Variants in KLF15 observed in about 807,000 individuals in gnomAD.
The protein encoded by KLF15 is KLF transcription factor 15.
A neutral mutation model predicts 24.6 loss-of-function variants in KLF15; 4 were observed. The observed-to-expected ratio is 0.16, with a 90% confidence interval of 0.08 to 0.37. The LOEUF is 0.37. KLF15 is among the 10% of genes least tolerant of loss of function. The pLI is 1.00. For synonymous variants in KLF15, 246 were observed against 236.3 expected (o/e 1.04, Z -0.37); for missense variants, 496 against 560.6 (o/e 0.88, Z 1.16).
downstream of KLF15, among the ~76,000 whole-genome samples, chr3:126,339,489 T>C (rs2082463469): frequency 6.6e-6 from 1 of 152,176 alleles, no homozygotes; most frequent in Admixed American, 6.5e-5. Flanking sequence ...CCAGGAGTGT[T>C]TGAATGCTGC....
chr3:126,329,542 T>C, the KLF15 span, among the ~76,000 whole-genome samples: 7 of 152,186 alleles, frequency 4.6e-5, no homozygotes, highest in East Asian at 1.3e-3. Context: ...TTTAAACCTC[T>C]ATAGGATGTT....
chr3:126,353,016 AC>A, intron 1 of KLF15, 69 bp from the exon 2 acceptor site: 1 of 1,482,784 alleles, frequency 6.7e-7, no homozygotes, highest in East Asian at 2.4e-5. Context: ...CAGGCCTCTG[AC>A]CCCACCCTCA....
chr3:126,339,088 G>A (rs1026177600), downstream of KLF15, among the ~76,000 whole-genome samples: 1 of 152,182 alleles, frequency 6.6e-6, no homozygotes, highest in Non-Finnish European at 1.5e-5. Flanking sequence ...GTGGGGGACT[G>A]GTCACTCATC....
chr3:126,310,296 G>T, the KLF15 span, among the ~76,000 whole-genome samples: 1 of 152,216 alleles, frequency 6.6e-6, no homozygotes, highest in East Asian at 1.9e-4. Flanking sequence ...GAGACCTGGG[G>T]CCCAAGCTCC....
chr3:126,298,982 G>GT, the KLF15 span, among the ~76,000 whole-genome samples: 126 of 152,160 alleles, frequency 8.3e-4, 1 homozygote, highest in African/African-American at 3.0e-3. Flanking sequence ...TTTTAGGATT[G>GT]TTTTTTCTAC....
In KLF15 at chr3:126,343,800, C is replaced by T; in HGVS notation, c.1178G>A (p.Ser393Asn). The T allele has an allele frequency of 6.2e-7, 1 of 1,611,980 alleles. No individual in the cohort carries two copies. The highest frequency in any genetic ancestry group is 8.5e-7 in the Non-Finnish European group (1 of 1,179,926). ...CPVCEKKFAR[S>N]DHLSKHIKVH... ...CTTGATGTGCTTGGAGAGGTGGTCG[C>T]TCCGCGCGAACTTCTTCTCGCACAC... Residue 393 changes from serine (S) to asparagine (N), a missense_variant, in exon 3 of 3, where the codon AGC (serine) becomes AAC (asparagine). Around this residue, in one of 3 missense-constraint regions of KLF15, gnomAD observed 59 missense variants for 106.1 expected, o/e 0.56. Transcript: ENST00000296233.
the KLF15 span, among the ~76,000 whole-genome samples, chr3:126,321,483 T>C: frequency 6.6e-6 from 1 of 152,202 alleles, no homozygotes. Context: ...TCTGCAGCAG[T>C]GCTACAGGAG....
At chr3:126,304,459 T>C in the KLF15 span, among the ~76,000 whole-genome samples, 1 of 152,198 alleles carries the variant, frequency 6.6e-6, no homozygotes, top group African/African-American at 2.4e-5. Flanking sequence ...GTTCTTCTCC[T>C]AACCTCAGTT....
intron 1 of KLF15, among the ~76,000 whole-genome samples, chr3:126,355,461 T>A (rs1016171757): frequency 1.3e-5 from 2 of 152,270 alleles, no homozygotes; most frequent in African/African-American, 4.8e-5. Flanking sequence ...GCCCTGGCTC[T>A]TCCCCCAGCA....
the KLF15 span, among the ~76,000 whole-genome samples, chr3:126,291,595 G>A: frequency 6.6e-6 from 1 of 152,276 alleles, no homozygotes; most frequent in Admixed American, 6.5e-5. Flanking sequence ...CTCCCTGGAG[G>A]AGGGAAGGAG....
At chr3:126,326,617 A>T in the KLF15 span, among the ~76,000 whole-genome samples, 6 of 152,244 alleles carry the variant, frequency 3.9e-5, no homozygotes, top group African/African-American at 1.2e-4. Flanking sequence ...AGAAAGACAG[A>T]TCGCACACCC....
At chr3:126,297,850 T>G in the KLF15 span, among the ~76,000 whole-genome samples, 1 of 152,242 alleles carries the variant, frequency 6.6e-6, no homozygotes, top group Admixed American at 6.5e-5. Flanking sequence ...ACTCATTGGT[T>G]GATGGGCATT....
At chr3:126,330,779 T>C in the KLF15 span, among the ~76,000 whole-genome samples, 105,809 of 152,122 alleles carry the variant, frequency 0.7, 37,260 homozygotes, top group African/African-American at 0.81. Context: ...CTACCTGGAG[T>C]GAATTTTCTG....
rs1434868967 is a variant in KLF15, at chr3:126,356,329, A to G, written c.-26+908T>C. 1.3e-5 allele frequency among the ~76,000 whole-genome samples: 2 copies of G among 151,910 alleles called. No homozygotes were observed. The highest frequency in any genetic ancestry group is 4.8e-5 in the African/African-American group (2 of 41,264). ...GAAGGAGATTTGAGGCTCTCAAACA[A>G]TTGTTGATTTTGTCACCTCCGAGGG... On this transcript the variant is annotated intron_variant, in intron 1 of 2. Coordinates refer to ENST00000296233, the MANE Select transcript of KLF15 (RefSeq NM_014079.4). The surrounding 1 kb of genome is among the most constrained non-coding windows in gnomAD (Gnocchi z 4.4).
At chr3:126,326,361 G>A in the KLF15 span, among the ~76,000 whole-genome samples, 77 of 151,982 alleles carry the variant, frequency 5.1e-4, no homozygotes, top group African/African-American at 1.6e-3. Flanking sequence ...GTCATTGGTA[G>A]CTTGATGGGG....
the KLF15 span, among the ~76,000 whole-genome samples, chr3:126,298,991 A>C: frequency 2.0e-5 from 3 of 152,056 alleles, no homozygotes; most frequent in Admixed American, 2.0e-4. Flanking sequence ...TGTTTTTTCT[A>C]CTTCTGTGAG....
chr3:126,349,444 G>A (rs1254589167), intron 2 of KLF15, among the ~76,000 whole-genome samples: 1 of 152,186 alleles, frequency 6.6e-6, no homozygotes, highest in Non-Finnish European at 1.5e-5. Flanking sequence ...AGCACGACCA[G>A]TGCCAGGGCT....
the KLF15 span, among the ~76,000 whole-genome samples, chr3:126,321,570 A>G: frequency 6.6e-6 from 1 of 152,236 alleles, no homozygotes; most frequent in Non-Finnish European, 1.5e-5. Context: ...GTCAGTGGTC[A>G]TTCACTGCCC....
At chr3:126,317,433 C>G in the KLF15 span, among the ~76,000 whole-genome samples, 1 of 152,118 alleles carries the variant, frequency 6.6e-6, no homozygotes, top group East Asian at 1.9e-4. Context: ...TGGTGATCAG[C>G]AACTTCGCGA....
Sources: gnomAD v4.1 joint callset for allele counts (sites outside exome capture counted in the v4.1 genomes callset) on GRCh38, gnomAD v4.1.1 for gene constraint, gnomAD v4.1.1 regional missense constraint, Gnocchi (gnomAD v3.1) non-coding constraint, MANE v1.5 for transcripts, NCBI Gene and HGNC (gene_info 2026-07-23, HGNC 2026-07-21) for gene names.